Variants in NRG3 observed in about 807,000 individuals in gnomAD.
NRG3 encodes the protein pro-neuregulin-3, membrane-bound isoform.
NRG3 carries 31 observed loss-of-function variants against 66.9 expected under a neutral mutation model. The observed-to-expected ratio is 0.46, with a 90% CI of 0.35 to 0.63. NRG3 has a LOEUF of 0.63. NRG3 is among the 20% of genes least tolerant of loss of function. The pLI is 0.00. For synonymous variants in NRG3, 393 were observed against 359.4 expected, an observed-to-expected ratio of 1.09 and a Z score of -1.06; for missense variants, 910 against 878.9, an observed-to-expected ratio of 1.04 and a Z score of -0.45.
intron 2 of NRG3, among the ~76,000 whole-genome samples, chr10:82,384,620 TATG>T (rs1281939366): frequency 2.6e-5 from 4 of 152,226 alleles, no homozygotes; most frequent in Non-Finnish European, 4.4e-5. Context: ...CATTCCTTTT[TATG>T]GCTGTATAGT....
chr10:82,658,190 A>G (rs2052027049), intron 2 of NRG3, among the ~76,000 whole-genome samples: 2 of 152,200 alleles, frequency 1.3e-5, no homozygotes, highest in Admixed American at 1.3e-4. Context: ...TATATAGAAA[A>G]GTATATTGCA....
intron 2 of NRG3, among the ~76,000 whole-genome samples, chr10:82,509,381 G>A (rs1296695505): frequency 6.6e-6 from 1 of 152,086 alleles, no homozygotes; most frequent in East Asian, 1.9e-4. Flanking sequence ...TATGCAAAAA[G>A]TATCTAGGTC....
chr10:82,910,453 G>A (rs1845212709), intron 4 of NRG3, among the ~76,000 whole-genome samples: 1 of 152,186 alleles, frequency 6.6e-6, no homozygotes, highest in African/African-American at 2.4e-5. Flanking sequence ...GCTGTGTTAG[G>A]CATAAGCTTG....
chr10:82,138,273 A>G (rs2069511003), intron 1 of NRG3, among the ~76,000 whole-genome samples: 1 of 152,130 alleles, frequency 6.6e-6, no homozygotes, highest in Non-Finnish European at 1.5e-5. Flanking sequence ...CTGGGGGAAA[A>G]ATATGTCTTT....
chr10:82,369,958 G>A (rs1315371480), intron 2 of NRG3, among the ~76,000 whole-genome samples: 2 of 138,088 alleles, frequency 1.4e-5, no homozygotes, highest in East Asian at 4.3e-4. Flanking sequence ...TGAAACCCCT[G>A]AAGGAGGGGA....
chr10:81,908,822 G>A (rs1385540557), intron 1 of NRG3, among the ~76,000 whole-genome samples: 1 of 152,106 alleles, frequency 6.6e-6, no homozygotes, highest in Non-Finnish European at 1.5e-5. Flanking sequence ...AAGTCCTAGT[G>A]TTCACCTGAG....
At chr10:82,391,480 A>G (rs373984428) in intron 2 of NRG3, among the ~76,000 whole-genome samples, 13 of 152,270 alleles carry the variant, frequency 8.5e-5, no homozygotes, top group African/African-American at 2.9e-4. Flanking sequence ...CTCTGTTGCA[A>G]CTTAGTGAAG....
intron 2 of NRG3, among the ~76,000 whole-genome samples, chr10:82,401,921 A>G (rs145075921): frequency 0.01 from 1,549 of 152,190 alleles, 21 homozygotes; most frequent in African/African-American, 0.034. Context: ...ATGATGTTCT[A>G]TTGCTTTATT....
intron 4 of NRG3, among the ~76,000 whole-genome samples, chr10:82,902,558 G>A (rs1331454663): frequency 6.6e-6 from 1 of 152,068 alleles, no homozygotes; most frequent in African/African-American, 2.4e-5. Context: ...AAAAGTTCAA[G>A]CTGTGTGACT....
chr10:82,068,570 G>A (rs2064622728), intron 1 of NRG3, among the ~76,000 whole-genome samples: 1 of 152,180 alleles, frequency 6.6e-6, no homozygotes, highest in Admixed American at 6.5e-5. Flanking sequence ...AGAGGCACAG[G>A]ATGCTGTAAG....
chr10:82,716,313 C>T (rs564524990), intron 2 of NRG3, among the ~76,000 whole-genome samples: 6 of 152,152 alleles, frequency 3.9e-5, no homozygotes, highest in Non-Finnish European at 8.8e-5. Context: ...ACACATATCT[C>T]ATCTATATAG....
intron 2 of NRG3, among the ~76,000 whole-genome samples, chr10:82,570,656 T>C (rs1456137298): frequency 6.6e-6 from 1 of 151,588 alleles, no homozygotes; most frequent in Non-Finnish European, 1.5e-5. Context: ...CAAGATCTAT[T>C]GGTAAATATG....
At position 82,115,961 on chromosome 10, in the gene NRG3, T is replaced by C. The variant is rs2067685794; in HGVS notation, c.823+239798T>C. ...AGAAAATCTGTGCATTTACCACAAC[T>C]TTGACTCCTAAGAAGCTCTGACTTT... is the stretch of plus-strand genomic sequence containing the variant. On this transcript the variant is annotated intron_variant, in intron 1 of 8. Transcript: ENST00000372141. Among the ~76,000 whole-genome samples the C allele has an allele frequency of 2.0e-5, 3 of 152,200 alleles. No individual in the cohort carries two copies. The South Asian group carries it at 6.2e-4, about 32-fold the overall frequency.
intron 1 of NRG3, among the ~76,000 whole-genome samples, chr10:82,040,928 A>T (rs2063003888): frequency 1.3e-5 from 2 of 152,104 alleles, no homozygotes. Flanking sequence ...TGGCCTTTAG[A>T]CATGCCCAAA....
At chr10:82,328,423 A>G (rs556093614) in intron 1 of NRG3, among the ~76,000 whole-genome samples, 3 of 152,326 alleles carry the variant, frequency 2.0e-5, no homozygotes, top group South Asian at 4.1e-4. Flanking sequence ...GTACATAATG[A>G]TGTTTCGATA....
At chr10:82,192,002 C>T (rs147033333) in intron 1 of NRG3, among the ~76,000 whole-genome samples, 329 of 152,254 alleles carry the variant, frequency 2.2e-3, no homozygotes, top group Middle Eastern at 0.014. Context: ...CATTTATCTG[C>T]TCCCATCAAT....
intron 4 of NRG3, among the ~76,000 whole-genome samples, chr10:82,872,704 TA>T (rs530444189): frequency 6.6e-6 from 1 of 150,586 alleles, no homozygotes; most frequent in African/African-American, 2.4e-5. Context: ...ATAAGTGCTC[TA>T]AAAAAAGTTT....
At chr10:82,728,475 A>T (rs1284104074) in intron 2 of NRG3, among the ~76,000 whole-genome samples, 1 of 152,214 alleles carries the variant, frequency 6.6e-6, no homozygotes, top group Non-Finnish European at 1.5e-5. Flanking sequence ...ACCTGCTACC[A>T]TCCATGTAAG....
chr10:82,429,713 T>C (rs191986438), intron 2 of NRG3, among the ~76,000 whole-genome samples: 21 of 152,274 alleles, frequency 1.4e-4, no homozygotes, highest in African/African-American at 5.1e-4. Flanking sequence ...TTTTCCGCTA[T>C]ATTCTCTGTT....
Sources: gnomAD v4.1 joint callset for allele counts (sites outside exome capture counted in the v4.1 genomes callset) on GRCh38, gnomAD v4.1.1 for gene constraint, MANE v1.5 for transcripts, NCBI Gene and HGNC (gene_info 2026-07-23, HGNC 2026-07-21) for gene names.